The following RXFP1 variants were observed in gnomAD, a reference collection of about 807,000 sequenced individuals.
RXFP1 encodes relaxin family peptide receptor 1.
RXFP1 carries 73 observed loss-of-function variants against 89.8 expected under a neutral mutation model. That is an observed-to-expected ratio of 0.81 (90% CI 0.67 to 0.99). The LOEUF (loss-of-function observed/expected upper bound fraction) is 0.99, where lower values mean the gene tolerates loss of function less well. RXFP1 is among the 50% of genes least tolerant of loss of function. The pLI, the probability that RXFP1 is intolerant of heterozygous loss-of-function variation, is 0.00. For missense variants in RXFP1, 793 were observed against 895.5 expected, an observed-to-expected ratio of 0.89 and a Z score of 1.46; for synonymous variants, 277 against 305.5, an observed-to-expected ratio of 0.91 and a Z score of 0.97.
rs553887400 is a variant in RXFP1, at chr4:158,612,451, T to C, written c.680+89T>C. The C allele has an allele frequency of 1.3e-4, 132 of 980,566 alleles. No homozygotes were observed. In the East Asian group the frequency reaches 3.4e-3, roughly 25 times the overall value. 60.7% of individuals were successfully genotyped at this position (980,566 alleles called of 1,614,324 possible). On this transcript the variant is annotated intron_variant, in intron 8 of 17. Coordinates refer to ENST00000307765, the MANE Select transcript of RXFP1 (RefSeq NM_021634.4). Reference sequence around the variant, plus strand: ...TAAATTTAATACCATTAAATTTGGATTTGTTAAAACCCCAAAGAGGCCTTT... The same window carrying C: ...TAAATTTAATACCATTAAATTTGGACTTGTTAAAACCCCAAAGAGGCCTTT...
At chr4:158,600,847 G>T (rs1472241595) in intron 4 of RXFP1, among the ~76,000 whole-genome samples, 1 of 151,660 alleles carries the variant, frequency 6.6e-6, no homozygotes, top group Non-Finnish European at 1.5e-5. Flanking sequence ...AAGAATTTAT[G>T]ATTTCATTCT....
At chr4:158,567,523 G>T (rs1753850341) in intron 1 of RXFP1, among the ~76,000 whole-genome samples, 1 of 152,022 alleles carries the variant, frequency 6.6e-6, no homozygotes, top group East Asian at 1.9e-4. Context: ...TCCATATCTA[G>T]TTAATCTGGT....
At chr4:158,596,771 G>A (rs1760697673) in intron 3 of RXFP1, among the ~76,000 whole-genome samples, 2 of 152,310 alleles carry the variant, frequency 1.3e-5, no homozygotes, top group South Asian at 2.1e-4. Context: ...CCGAAGCCTA[G>A]TTATGAATTT....
At chr4:158,531,917 T>C (rs893096254) in intron 1 of RXFP1, among the ~76,000 whole-genome samples, 1 of 144,128 alleles carries the variant, frequency 6.9e-6, no homozygotes, top group African/African-American at 2.8e-5. Flanking sequence ...TTGGTTTGGG[T>C]ATTTTGTTTG....
At chr4:158,602,716 G>A (rs557581539) in intron 4 of RXFP1, among the ~76,000 whole-genome samples, 19 of 152,124 alleles carry the variant, frequency 1.2e-4, no homozygotes, top group Non-Finnish European at 2.2e-4. Flanking sequence ...CAAATGGCAG[G>A]CATTCAACAC....
intron 1 of RXFP1, among the ~76,000 whole-genome samples, chr4:158,566,869 G>T (rs546678120): frequency 6.6e-6 from 1 of 152,174 alleles, no homozygotes; most frequent in African/African-American, 2.4e-5. Context: ...TCAGCCCACC[G>T]CTGCACTGTG....
At position 158,569,838 on chromosome 4, in the gene RXFP1, A is replaced by G. The variant is rs887588032; in HGVS notation, c.50-2860A>G. Among the ~76,000 whole-genome samples, 31 of 152,234 alleles carry G rather than the reference A, an allele frequency of 2.0e-4. 1 individual carries two copies. Among genetic ancestry groups the G allele is most frequent in the Non-Finnish European group, 7.3e-5 (5 of 68,036 alleles). ...TGGGGGGTGGGGATAAGATTAAAGC[A>G]TTCGAAACAATTGGACAACCAATAT... On this transcript the variant is annotated intron_variant, in intron 1 of 17. Transcript: ENST00000307765.
rs759368947 is a variant in RXFP1, at chr4:158,599,441, A to G, written c.392+10A>G. On this transcript the variant is annotated intron_variant, in intron 4 of 17. Transcript: ENST00000307765. ...CAAATGTGACTGCAATGTAAGTAGA[A>G]AAGAATTACTTCATCCTGACAGCTG... 78 of 1,609,286 alleles carry G rather than the reference A, an allele frequency of 4.8e-5. No individual in the cohort carries two copies. Among genetic ancestry groups the G allele is most frequent in the Non-Finnish European group, 6.4e-5 (75 of 1,176,682 alleles).
Position 158,642,879 on chromosome 4 carries a change from A to G in RXFP1, c.1116-2030A>G, listed in dbSNP as rs1199958627. On this transcript the variant is annotated intron_variant, in intron 14 of 17. Coordinates refer to ENST00000307765, the MANE Select transcript of RXFP1 (RefSeq NM_021634.4). ...GAAAAGCTCTCTCTCCTGCAGAGAG[A>G]GAGGGGCTCCTGAATAGGTCTTCCA... Among the ~76,000 whole-genome samples the G allele has an allele frequency of 2.0e-5, 3 of 152,314 alleles. No homozygotes were observed. The East Asian group carries it at 5.8e-4, about 29-fold the overall frequency.
intron 14 of RXFP1, among the ~76,000 whole-genome samples, chr4:158,640,963 A>G (rs544499611): frequency 6.6e-6 from 1 of 152,332 alleles, no homozygotes; most frequent in African/African-American, 2.4e-5. Context: ...CATGCTTTAG[A>G]AGCACTTTTT....
At chr4:158,522,482 T>C (rs1348534781) in intron 1 of RXFP1, among the ~76,000 whole-genome samples, 1 of 152,188 alleles carries the variant, frequency 6.6e-6, no homozygotes, top group African/African-American at 2.4e-5. Flanking sequence ...TTCATAAAAC[T>C]CTTTTTATTT....
intron 8 of RXFP1, 105 bp downstream of exon 8, chr4:158,612,467 A>G (rs1471170986): frequency 2.6e-6 from 2 of 770,748 alleles, no homozygotes; most frequent in East Asian, 2.7e-5. Context: ...AAAACCCCAA[A>G]GAGGCCTTTT....
At chr4:158,556,096 A>G (rs1751224697) in intron 1 of RXFP1, among the ~76,000 whole-genome samples, 2 of 152,210 alleles carry the variant, frequency 1.3e-5, no homozygotes, top group Admixed American at 6.5e-5. Context: ...TATCAAACTG[A>G]AAAGTTTTTG....
At chr4:158,609,652 C>A (rs1277158597) in intron 6 of RXFP1, among the ~76,000 whole-genome samples, 1 of 152,170 alleles carries the variant, frequency 6.6e-6, no homozygotes, top group African/African-American at 2.4e-5. Context: ...TAGTAATTTA[C>A]TAGCAAAATG....
At chr4:158,599,582 T>C in intron 4 of RXFP1, 151 bp downstream of exon 4, 1 of 627,664 alleles carries the variant, frequency 1.6e-6, no homozygotes, top group Non-Finnish European at 2.6e-6. Flanking sequence ...TGATATTTAT[T>C]TTGCATTTAT....
chr4:158,626,620 C>G (rs1266088851), intron 9 of RXFP1, among the ~76,000 whole-genome samples, 200 bp from the exon 10 acceptor site: 1 of 151,800 alleles, frequency 6.6e-6, no homozygotes, highest in Non-Finnish European at 1.5e-5. Context: ...ACATTTTTAC[C>G]TTTAACATAG....
In RXFP1 at chr4:158,643,576, A is replaced by T. The variant is rs533515083; in HGVS notation, c.1116-1333A>T. Among the ~76,000 whole-genome samples the T allele has an allele frequency of 8.1e-5, 12 of 148,310 alleles. No individual in the cohort carries two copies. The South Asian group carries it at 1.7e-3, about 21-fold the overall frequency. ...ACCTCTGCCTCCACAGGTTCAAGCG[A>T]TTCTCCTGCCTCAGCCTCCCAAGTA... On this transcript the variant is annotated intron_variant, in intron 14 of 17. Transcript: ENST00000307765.
chr4:158,554,647 G>T (rs1321229495), intron 1 of RXFP1, among the ~76,000 whole-genome samples: 3 of 150,790 alleles, frequency 2.0e-5, no homozygotes, highest in Non-Finnish European at 3.0e-5. Flanking sequence ...GTGTTTTGTT[G>T]TTTAATTTTA....
At chr4:158,560,073 A>G (rs922145685) in intron 1 of RXFP1, among the ~76,000 whole-genome samples, 12 of 152,246 alleles carry the variant, frequency 7.9e-5, no homozygotes, top group Non-Finnish European at 1.5e-4. Context: ...CTTCAGCTGC[A>G]TGGATGTGAC....
Sources: allele counts gnomAD v4.1 joint callset (sites outside exome capture counted in the v4.1 genomes callset), GRCh38; gene constraint gnomAD v4.1.1; transcripts MANE v1.5; gene names NCBI Gene and HGNC (gene_info 2026-07-23, HGNC 2026-07-21).